Variants in LINGO1 observed in about 807,000 individuals in gnomAD.
LINGO1 encodes leucine rich repeat and Ig domain containing 1.
In LINGO1, 11 loss-of-function variants were observed where a neutral mutation model predicts 37.3. That is an observed-to-expected ratio of 0.29 (90% CI 0.19 to 0.49). The LOEUF (loss-of-function observed/expected upper bound fraction) is 0.49, where lower values mean the gene tolerates loss of function less well. Ranked by LOEUF, LINGO1 falls within the 20% of genes least tolerant of loss-of-function variation. LINGO1 has a pLI of 0.99. For missense variants in LINGO1, 585 were observed against 878.2 expected, an observed-to-expected ratio of 0.67 and a Z score of 4.22; for synonymous variants, 387 against 403.0, an observed-to-expected ratio of 0.96 and a Z score of 0.48.
rs1555527602 is a variant in LINGO1 at position 77,664,174 on chromosome 15, C to CGT, written c.-13+12914_-13+12915insAC. Among the ~76,000 whole-genome samples, 227 of 100,446 alleles carry CGT rather than the reference C, an allele frequency of 2.3e-3. 3 individuals are homozygous for CGT. Among genetic ancestry groups the CGT allele is most frequent in the African/African-American group, 7.2e-3 (197 of 27,266 alleles). 65.9% of individuals were successfully genotyped at this position (100,446 alleles called of 152,430 possible). Reference sequence around the variant, plus strand: ...GTGTGTGTGTGTGTGTGTGTGTGCGCGCGCGCATGCGTTTGCATTCTCAGC... The same window carrying CGT: ...GTGTGTGTGTGTGTGTGTGTGTGCGCGTGCGCGCATGCGTTTGCATTCTCAGC... On this transcript the variant is annotated intron_variant, in intron 3 of 3. Coordinates refer to the LINGO1 transcript ENST00000559893.
At chr15:77,759,576 G>A (rs2076454084) in intron 1 of LINGO1, among the ~76,000 whole-genome samples, 1 of 152,224 alleles carries the variant, frequency 6.6e-6, no homozygotes, top group Non-Finnish European at 1.5e-5. Flanking sequence ...CACCATAGGT[G>A]CTCAGCAAGC....
intron 1 of LINGO1, among the ~76,000 whole-genome samples, chr15:77,809,345 G>A (rs2076984802): frequency 6.6e-6 from 1 of 152,224 alleles, no homozygotes; most frequent in Admixed American, 6.5e-5. Flanking sequence ...GGGGAAGCCA[G>A]GCAGTCCTGA....
intron 1 of LINGO1, among the ~76,000 whole-genome samples, chr15:77,760,126 C>T (rs751553367): frequency 2.0e-5 from 3 of 152,210 alleles, no homozygotes; most frequent in African/African-American, 4.8e-5. Flanking sequence ...CTGCAGCAGC[C>T]GTGTTTCTGG....
At chr15:77,778,825 G>C (rs1386304304) in intron 1 of LINGO1, among the ~76,000 whole-genome samples, 2 of 152,070 alleles carry the variant, frequency 1.3e-5, no homozygotes, top group Non-Finnish European at 2.9e-5. Context: ...TAAAACCCAA[G>C]TCATGGCATG....
rs1158286181 is a variant in LINGO1 at position 77,615,411 on chromosome 15, G to C, written c.496C>G (p.Leu166Val). Residue 166 changes from leucine (L) to valine (V), a missense_variant, in exon 2 of 2, where the codon CTG becomes GTG. Coordinates refer to ENST00000355300, the MANE Select transcript of LINGO1 (RefSeq NM_032808.7). ...ACCTCCAGTGACTTGAGGTTGTACA[G>C]GTCCTGAAACATGTAGTCCAGTAGG... is the stretch of plus-strand genomic sequence containing the variant. Reference protein sequence around the residue: ...VILLDYMFQDLYNLKSLEVGD... With the variant: ...VILLDYMFQDVYNLKSLEVGD... 6.2e-7 allele frequency: 1 copy of C among 1,614,050 alleles called. No homozygotes were observed. Among genetic ancestry groups the C allele is most frequent in the Non-Finnish European group, 8.5e-7 (1 of 1,179,900 alleles).
intron 1 of LINGO1, among the ~76,000 whole-genome samples, chr15:77,776,420 G>A (rs1011818646): frequency 6.6e-6 from 1 of 151,304 alleles, no homozygotes; most frequent in Non-Finnish European, 1.5e-5. Flanking sequence ...AGGTGGTCTT[G>A]GGGGCAGGTC....
In LINGO1 at chr15:77,651,509, C is replaced by A. The variant is rs185905535; in HGVS notation, c.-13+25580G>T. The A allele has an allele frequency of 7.2e-5, 11 of 152,302 alleles. No individual in the cohort carries two copies. In the Middle Eastern group the frequency reaches 0.01, roughly 141 times the overall value. 9.4% of individuals were successfully genotyped at this position (152,302 alleles called of 1,614,324 possible). A position where few individuals can be genotyped will look rare whatever the true frequency, so the allele number is the denominator to read the frequency against. ...GTAACAGTTCCATCTGGTCAAATGA[C>A]AAAAGCCTAAATTTGTATCAAGTAG... On this transcript the variant is annotated intron_variant, in intron 3 of 3. Coordinates refer to the LINGO1 transcript ENST00000559893.
intron 1 of LINGO1, among the ~76,000 whole-genome samples, chr15:77,740,545 C>T (rs966873957): frequency 2.9e-4 from 44 of 152,170 alleles, no homozygotes; most frequent in African/African-American, 8.9e-4. Flanking sequence ...ACACAGGTCA[C>T]GCTGTGGGGC....
intron 1 of LINGO1, among the ~76,000 whole-genome samples, chr15:77,617,804 G>A (rs2142499983): frequency 6.6e-6 from 1 of 152,346 alleles, no homozygotes; most frequent in Middle Eastern, 3.4e-3. Flanking sequence ...AGGACTGACG[G>A]GAGCTTCGTG....
intron 1 of LINGO1, among the ~76,000 whole-genome samples, chr15:77,759,124 G>A (rs1206185456): frequency 6.6e-6 from 1 of 152,234 alleles, no homozygotes; most frequent in African/African-American, 2.4e-5. Flanking sequence ...GCACACAGGG[G>A]ATGGGCATGT....
chr15:77,635,771 T>C (rs2074385025), upstream of LINGO1, among the ~76,000 whole-genome samples: 1 of 152,214 alleles, frequency 6.6e-6, no homozygotes, highest in South Asian at 2.1e-4. Flanking sequence ...ATCTTTTCCC[T>C]CTATCCTCAG....
At chr15:77,700,689 T>A (rs1030438117), upstream of LINGO1, among the ~76,000 whole-genome samples, 3 of 152,106 alleles carry the variant, frequency 2.0e-5, no homozygotes, top group African/African-American at 7.2e-5. Context: ...GTTTTTCACA[T>A]CACTGCAAGT....
At chr15:77,677,791 C>A (rs1377760728) in intron 2 of LINGO1, among the ~76,000 whole-genome samples, 1 of 152,150 alleles carries the variant, frequency 6.6e-6, no homozygotes, top group African/African-American at 2.4e-5. Context: ...TAGACATGGC[C>A]ACAGGTGCTG....
At chr15:77,639,873 G>A (rs779604185) in intron 3 of LINGO1, among the ~76,000 whole-genome samples, 27 of 152,274 alleles carry the variant, frequency 1.8e-4, no homozygotes, top group Non-Finnish European at 3.7e-4. Context: ...AGAAGGGGAG[G>A]TGGCAGAGTC....
At chr15:77,629,880 T>G (rs756588572) in intron 1 of LINGO1, among the ~76,000 whole-genome samples, 1 of 151,812 alleles carries the variant, frequency 6.6e-6, no homozygotes, top group East Asian at 1.9e-4. Flanking sequence ...TGTGGGTGAC[T>G]GGAGAAGGAG....
At chr15:77,807,871 G>A (rs571639993) in intron 1 of LINGO1, among the ~76,000 whole-genome samples, 3 of 152,184 alleles carry the variant, frequency 2.0e-5, no homozygotes, top group South Asian at 2.1e-4. Flanking sequence ...GAAAAAAGGC[G>A]TTAAGAGCAG....
intron 2 of LINGO1, among the ~76,000 whole-genome samples, chr15:77,709,722 C>T (rs992096513): frequency 6.6e-6 from 1 of 152,244 alleles, no homozygotes; most frequent in Non-Finnish European, 1.5e-5. Context: ...TTTGATGTGC[C>T]TGTCCTGATG....
chr15:77,759,706 G>A (rs1200312063), intron 1 of LINGO1, among the ~76,000 whole-genome samples: 3 of 152,230 alleles, frequency 2.0e-5, no homozygotes, highest in African/African-American at 2.4e-5. Flanking sequence ...CACTGGAGCC[G>A]GCGACTGGGG....
At chr15:77,722,211 C>T (rs570006203) in intron 2 of LINGO1, among the ~76,000 whole-genome samples, 7 of 146,940 alleles carry the variant, frequency 4.8e-5, no homozygotes, top group Non-Finnish European at 7.5e-5. Context: ...GCTCAGCACA[C>T]CGGCCAGGGA....
Sources: allele counts gnomAD v4.1 joint callset (sites outside exome capture counted in the v4.1 genomes callset), GRCh38; gene constraint gnomAD v4.1.1; transcripts MANE v1.5; gene names NCBI Gene and HGNC (gene_info 2026-07-23, HGNC 2026-07-21).